The following CFHR4 variants were observed in gnomAD, a reference collection of about 807,000 sequenced individuals.
CFHR4 encodes complement factor H related 4, also known as complement factor H-related protein 4.
Under a neutral mutation model 69.3 loss-of-function variants are expected in CFHR4, and 64 were observed. The observed-to-expected ratio is 0.92, with a 90% CI of 0.76 to 1.14. The LOEUF is 1.14. Among genes scored for constraint, CFHR4 ranks in the 50% most tolerant of loss-of-function variants. The probability of loss-of-function intolerance (pLI) is 0.00; values close to 1 mark genes in which losing one functional copy is unlikely to be tolerated. For synonymous variants in CFHR4, 244 were observed against 237.0 expected (o/e 1.03, Z -0.27); for missense variants, 636 against 684.9 (o/e 0.93, Z 0.80).
At chr1:196,917,256 TATC>T (rs1381597021) in intron 9 of CFHR4, among the ~76,000 whole-genome samples, 2 of 152,014 alleles carry the variant, frequency 1.3e-5, no homozygotes, top group African/African-American at 4.8e-5. Context: ...GAGTGAATGA[TATC>T]ATCAAAAATG....
chr1:196,905,090 C>G lies in CFHR4; in HGVS notation c.257-18C>G. On this transcript the variant is annotated intron_variant, in intron 2 of 9. Coordinates refer to ENST00000608469, the MANE Select transcript of CFHR4 (RefSeq NM_001201550.3). ...ATTCAACAAATATTTACTTTTTTCT[C>G]TACTTTTTCTATTTTAGGAACATGC... The G allele has an allele frequency of 6.4e-7, 1 of 1,567,896 alleles. No homozygotes were observed. The highest frequency in any genetic ancestry group is 8.6e-7 in the Non-Finnish European group (1 of 1,156,150).
Position 196,907,807 on chromosome 1 carries a change from T to C in CFHR4, c.799+309T>C, listed in dbSNP as rs543840846. 1.7e-3 allele frequency among the ~76,000 whole-genome samples: 260 copies of C among 151,442 alleles called. 9 individuals are homozygous for C. The highest frequency in any genetic ancestry group is 6.0e-3 in the African/African-American group (245 of 41,098). On this transcript the variant is annotated intron_variant, in intron 5 of 9. Transcript: ENST00000608469. Reference sequence around the variant, plus strand: ...TGAAATACAGCATCTCACCTTAACATCAATAACCATTTTCACATTATTAAT... The same window carrying C: ...TGAAATACAGCATCTCACCTTAACACCAATAACCATTTTCACATTATTAAT...
chr1:196,909,912 G>A (rs1355301519), intron 5 of CFHR4, among the ~76,000 whole-genome samples: 1 of 151,200 alleles, frequency 6.6e-6, no homozygotes, highest in East Asian at 1.9e-4. Flanking sequence ...AGGACTTTGG[G>A]AAGCCAAAGC....
chr1:196,895,067 T>G (rs1047581949), intron 1 of CFHR4, among the ~76,000 whole-genome samples: 7 of 151,018 alleles, frequency 4.6e-5, no homozygotes, highest in African/African-American at 1.5e-4. Flanking sequence ...CAAAAAAAAT[T>G]ATATTAAAGA....
At chr1:196,898,673 C>T (rs1558239206) in intron 1 of CFHR4, among the ~76,000 whole-genome samples, 1 of 151,518 alleles carries the variant, frequency 6.6e-6, no homozygotes, top group Non-Finnish European at 1.5e-5. Context: ...AAACAATAAA[C>T]CTTTATTTTC....
chr1:196,899,220 CT>C (rs568575646), intron 1 of CFHR4, among the ~76,000 whole-genome samples: 2,108 of 149,098 alleles, frequency 0.014, 103 homozygotes, highest in African/African-American at 0.05. Context: ...CAAACATATT[CT>C]TTTTTTTTTC....
chr1:196,916,657 T>A (rs1320393833), intron 9 of CFHR4, among the ~76,000 whole-genome samples: 2 of 151,782 alleles, frequency 1.3e-5, no homozygotes, highest in Admixed American at 1.3e-4. Flanking sequence ...ATCTTCAAAC[T>A]TGATTTCATA....
chr1:196,903,158 G>A (rs1657714440), intron 2 of CFHR4, among the ~76,000 whole-genome samples: 1 of 151,366 alleles, frequency 6.6e-6, no homozygotes, highest in Admixed American at 6.6e-5. Context: ...ACTCATTTGA[G>A]ATCCCAGTAT....
Position 196,914,428 on chromosome 1 carries a change from G to A in CFHR4, c.1181-67G>A, listed in dbSNP as rs1343085602. 11 of 1,501,508 alleles carry A rather than the reference G, an allele frequency of 7.3e-6. No individual in the cohort carries two copies. The Admixed American group carries it at 2.1e-4, about 28-fold the overall frequency. 93.0% of individuals were successfully genotyped at this position (1,501,508 alleles called of 1,614,324 possible). A position where few individuals can be genotyped will look rare whatever the true frequency, so the allele number is the denominator to read the frequency against. On this transcript the variant is annotated intron_variant, in intron 7 of 9. Coordinates refer to ENST00000608469, the MANE Select transcript of CFHR4 (RefSeq NM_001201550.3). Reference sequence around the variant, plus strand: ...TTGGTAAATTTTATCCCTACAATGGGACTTTCTTAGTTGAGTTGTGCATCG... The same window carrying A: ...TTGGTAAATTTTATCCCTACAATGGAACTTTCTTAGTTGAGTTGTGCATCG...
Position 196,914,522 on chromosome 1 carries a change from A to G in CFHR4, c.1208A>G (p.Asn403Ser). The G allele has an allele frequency of 6.2e-7, 1 of 1,604,586 alleles. No individual in the cohort carries two copies. Among genetic ancestry groups the G allele is most frequent in the South Asian group, 1.1e-5 (1 of 89,050 alleles). ...IKFCDMPVFE[N>S]SRAKSNGMRF... ...TTTTGTGATATGCCTGTTTTTGAGA[A>G]TTCCAGAGCCAAGAGTAATGGCATG... is the stretch of plus-strand genomic sequence containing the variant. Residue 403 changes from asparagine to serine, a missense_variant, in exon 8 of 10, where the codon AAT becomes AGT. Coordinates refer to ENST00000608469, the MANE Select transcript of CFHR4 (RefSeq NM_001201550.3).
chr1:196,897,446 A>C (rs911546581), intron 1 of CFHR4, among the ~76,000 whole-genome samples: 1 of 151,492 alleles, frequency 6.6e-6, no homozygotes, highest in Non-Finnish European at 1.5e-5. Flanking sequence ...GGCCAGTGTG[A>C]CAGACTTCTG....
intron 1 of CFHR4, among the ~76,000 whole-genome samples, chr1:196,900,527 T>A (rs1426991733): frequency 6.6e-6 from 1 of 151,310 alleles, no homozygotes; most frequent in Non-Finnish European, 1.5e-5. Flanking sequence ...AACACCATCA[T>A]GAGATAGATA....
At chr1:196,898,884 T>A (rs372754573) in intron 1 of CFHR4, among the ~76,000 whole-genome samples, 1 of 151,450 alleles carries the variant, frequency 6.6e-6, no homozygotes, top group East Asian at 1.9e-4. Flanking sequence ...CATTGTCCCC[T>A]CCACAGGTTG....
chr1:196,894,576 T>C (rs183902960), intron 1 of CFHR4, among the ~76,000 whole-genome samples: 61 of 151,608 alleles, frequency 4.0e-4, no homozygotes, highest in Admixed American at 6.6e-4. Flanking sequence ...TTGACAGATA[T>C]GGGATTCTTA....
chr1:196,894,597 G>GT (rs1163492832), intron 1 of CFHR4, among the ~76,000 whole-genome samples: 4 of 151,030 alleles, frequency 2.6e-5, no homozygotes, highest in African/African-American at 9.8e-5. Flanking sequence ...GTTGAAAGAC[G>GT]TTTTTTTTCT....
chr1:196,900,522 C>T (rs1350809199), intron 1 of CFHR4, among the ~76,000 whole-genome samples: 2 of 150,748 alleles, frequency 1.3e-5, no homozygotes, highest in African/African-American at 4.9e-5. Context: ...TATGAAACAC[C>T]ATCATGAGAT....
intron 1 of CFHR4, among the ~76,000 whole-genome samples, chr1:196,901,282 A>AAG (rs1657586598): frequency 6.6e-6 from 1 of 151,334 alleles, no homozygotes; most frequent in South Asian, 2.1e-4. Context: ...AAAAATGGTG[A>AAG]AGAGAAATAT....
At position 196,902,459 on chromosome 1, in the gene CFHR4, C is replaced by A; in HGVS notation, c.100C>A (p.Leu34Ile). Reference protein sequence around the residue: ...CDFPEIQHGGLYYKSLRRLYF... With the variant: ...CDFPEIQHGGIYYKSLRRLYF... ...TTTTCCAGAAATTCAACATGGAGGTCTATATTATAAGAGTTTGCGTAGACT... is the reference window on the plus strand; with the variant it reads ...TTTTCCAGAAATTCAACATGGAGGTATATATTATAAGAGTTTGCGTAGACT... Residue 34 changes from leucine to isoleucine, a missense_variant, in exon 2 of 10, where the codon CTA becomes ATA. Leu to Ile is a conservative substitution (Grantham distance 5). This residue lies in a region of CFHR4 where 529 missense variants were observed against 533.2 expected (regional missense o/e 0.99). Transcript: ENST00000608469. The A allele has an allele frequency of 6.2e-7, 1 of 1,611,290 alleles. No homozygotes were observed. Among genetic ancestry groups the A allele is most frequent in the Non-Finnish European group, 8.5e-7 (1 of 1,178,728 alleles).
chr1:196,902,421 T>A lies in CFHR4; in HGVS notation c.62T>A (p.Val21Glu). The A allele has an allele frequency of 6.2e-7, 1 of 1,601,264 alleles. No homozygotes were observed. The highest frequency in any genetic ancestry group is 8.5e-7 in the Non-Finnish European group (1 of 1,172,444). ...GTTTTTTGTTTTTTATTACAAGAAG[T>A]GAAACCTTGTGATTTTCCAGAAATT... The part of the protein sequence containing the change: ...LWVSCANGQE[V>E]KPCDFPEIQH... The change falls in exon 2 of 10, where the codon GTG becomes GAG. Residue 21 changes from valine to glutamate, a missense_variant. Coordinates refer to ENST00000608469, the MANE Select transcript of CFHR4 (RefSeq NM_001201550.3).
Sources: allele counts gnomAD v4.1 joint callset (sites outside exome capture counted in the v4.1 genomes callset), GRCh38; gene constraint gnomAD v4.1.1; regional missense constraint gnomAD v4.1.1; transcripts MANE v1.5; gene names NCBI Gene and HGNC (gene_info 2026-07-23, HGNC 2026-07-21).